Variants in TOX3 observed in about 807,000 individuals in gnomAD.
The protein encoded by TOX3 is CAG trinucleotide repeat-containing gene F9 protein.
Under a neutral mutation model 64.3 loss-of-function variants are expected in TOX3, and 22 were observed. That is an observed-to-expected ratio of 0.34 (90% CI 0.24 to 0.49). The LOEUF (loss-of-function observed/expected upper bound fraction) is 0.49, where lower values mean the gene tolerates loss of function less well. Ranked by LOEUF, TOX3 falls within the 20% of genes least tolerant of loss-of-function variation. The pLI is 0.99. For synonymous variants in TOX3, 291 were observed against 273.6 expected, an observed-to-expected ratio of 1.06 and a Z score of -0.63; for missense variants, 661 against 714.4, an observed-to-expected ratio of 0.93 and a Z score of 0.85.
chr16:52,487,652 C>T (rs970411616), intron 1 of TOX3, among the ~76,000 whole-genome samples: 18 of 152,010 alleles, frequency 1.2e-4, no homozygotes, highest in African/African-American at 3.9e-4. Context: ...ATGTATAAGC[C>T]CCAAACTACT....
intron 2 of TOX3, 101 bp downstream of exon 2, chr16:52,468,407 TA>T: frequency 9.3e-7 from 1 of 1,075,226 alleles, no homozygotes; most frequent in Non-Finnish European, 1.4e-6. Flanking sequence ...TTGTGCCACA[TA>T]AGAGAGAGAT....
At chr16:52,519,770 C>T (rs1478822811) in intron 1 of TOX3, among the ~76,000 whole-genome samples, 1 of 151,326 alleles carries the variant, frequency 6.6e-6, no homozygotes, top group Non-Finnish European at 1.5e-5. Context: ...CCAACTTGGG[C>T]AATGTATTGA....
chr16:52,539,321 T>C (rs768118235), intron 1 of TOX3, among the ~76,000 whole-genome samples: 11 of 152,212 alleles, frequency 7.2e-5, no homozygotes, highest in Non-Finnish European at 1.2e-4. Context: ...TCATTGTTTT[T>C]AATGGTGCAG....
chr16:52,448,255 G>A (rs1170148906), intron 4 of TOX3, among the ~76,000 whole-genome samples: 1 of 152,210 alleles, frequency 6.6e-6, no homozygotes, highest in Non-Finnish European at 1.5e-5. Flanking sequence ...AAGATTCAAT[G>A]AAGATACATT....
Position 52,464,403 on chromosome 16 carries a change from T to TA in TOX3, c.154-216dup, listed in dbSNP as rs201824310. ...TTTAAGTCTCATTATCATATGGTTT[T>TA]AATGGAGTATCAGTATTAACAGTTT... On this transcript the variant is annotated intron_variant, in intron 2 of 6. Coordinates refer to ENST00000219746, the MANE Select transcript of TOX3 (RefSeq NM_001080430.4). Among the ~76,000 whole-genome samples the TA allele has an allele frequency of 8.1e-3, 1,230 of 152,338 alleles. 19 individuals are homozygous for TA. The highest frequency in any genetic ancestry group is 0.028 in the African/African-American group (1,168 of 41,576).
chr16:52,531,051 A>G (rs1005504756), intron 1 of TOX3, among the ~76,000 whole-genome samples: 1 of 152,226 alleles, frequency 6.6e-6, no homozygotes, highest in African/African-American at 2.4e-5. Flanking sequence ...AAGATGTAAA[A>G]AGAGGAACAT....
chr16:52,483,169 G>A (rs752830369), intron 1 of TOX3, among the ~76,000 whole-genome samples: 2 of 152,050 alleles, frequency 1.3e-5, no homozygotes, highest in Non-Finnish European at 2.9e-5. Context: ...CAACAACGAC[G>A]CACATCACCC....
intron 1 of TOX3, among the ~76,000 whole-genome samples, chr16:52,473,192 C>T (rs545396994): frequency 6.6e-6 from 1 of 152,168 alleles, no homozygotes; most frequent in South Asian, 2.1e-4. Context: ...TGGAACAGCC[C>T]AGACAAAAAC....
intron 1 of TOX3, among the ~76,000 whole-genome samples, chr16:52,505,646 C>T (rs985189608): frequency 3.3e-5 from 5 of 152,136 alleles, no homozygotes; most frequent in African/African-American, 9.7e-5. Context: ...AAATCACATT[C>T]AACTAATTAA....
intron 1 of TOX3, among the ~76,000 whole-genome samples, chr16:52,477,341 C>T (rs961575562): frequency 1.3e-5 from 2 of 152,010 alleles, no homozygotes; most frequent in African/African-American, 4.8e-5. Context: ...AGAGTGTCCA[C>T]AAAGGATTTT....
At position 52,450,467 on chromosome 16, in the gene TOX3, G is replaced by A. The variant is rs1349809510; in HGVS notation, c.488C>T (p.Ala163Val). 1.2e-6 allele frequency: 2 copies of A among 1,614,046 alleles called. No individual in the cohort carries two copies. Among genetic ancestry groups the A allele is most frequent in the Admixed American group, 1.7e-5 (1 of 60,024 alleles). The change falls in exon 4 of 7, where the codon GCT becomes GTT. Residue 163 changes from alanine to valine, a missense_variant. Ala to Val is a moderately conservative substitution (Grantham distance 64). Coordinates refer to ENST00000219746, the MANE Select transcript of TOX3 (RefSeq NM_001080430.4). ...IMRSIVHMTDAARSGVMPPAQ... is the reference protein window; with the variant it reads ...IMRSIVHMTDVARSGVMPPAQ... ...AGGAGGCATGACCCCAGAACGCGCAGCATCGGTCATGTGGACGATGGACCG... is the reference window on the plus strand; with the variant it reads ...AGGAGGCATGACCCCAGAACGCGCAACATCGGTCATGTGGACGATGGACCG...
chr16:52,495,882 G>A (rs151275253), intron 1 of TOX3, among the ~76,000 whole-genome samples: 42 of 152,082 alleles, frequency 2.8e-4, no homozygotes, highest in Admixed American at 1.4e-3. Flanking sequence ...ATTTTCTTCC[G>A]TTTATTCTCA....
intron 1 of TOX3, among the ~76,000 whole-genome samples, chr16:52,492,265 AT>A (rs1319437891): frequency 6.1e-5 from 9 of 147,020 alleles, no homozygotes; most frequent in African/African-American, 2.2e-4. Context: ...CAATATAAAT[AT>A]ATAATGGTTG....
chr16:52,507,806 A>G (rs1962198816), intron 1 of TOX3, among the ~76,000 whole-genome samples: 1 of 152,244 alleles, frequency 6.6e-6, no homozygotes, highest in Non-Finnish European at 1.5e-5. Context: ...ACATTTTACT[A>G]AGCCTAATAC....
At position 52,439,347 on chromosome 16, in the gene TOX3, C is replaced by G; in HGVS notation, c.1609G>C (p.Ala537Pro). Residue 537 changes from alanine to proline, a missense_variant, in exon 7 of 7, where the codon GCC (alanine) becomes CCC (proline). By Grantham distance (27) the Ala-to-Pro change is conservative. This residue lies in a region of TOX3 where 299 missense variants were observed against 292.1 expected (regional missense o/e 1.02). Transcript: ENST00000219746. Reference protein sequence around the residue: ...QPSPRQHSPVASQITSPIPAI... With the variant: ...QPSPRQHSPVPSQITSPIPAI... ...GGGATGGGGGATGTTATCTGAGAGG[C>G]GACAGGGGAGTGCTGCCGAGGAGAA... is the stretch of plus-strand genomic sequence containing the variant. The G allele has an allele frequency of 1.9e-6, 3 of 1,612,014 alleles. No individual in the cohort carries two copies. The South Asian group carries it at 3.3e-5, about 18-fold the overall frequency.
chr16:52,445,223 T>C (rs1356883629), intron 5 of TOX3: 1 of 152,236 alleles, frequency 6.6e-6, no homozygotes, highest in Non-Finnish European at 1.5e-5. Flanking sequence ...GTTCATGATT[T>C]GTAAACAAAA....
At chr16:52,453,070 C>A (rs1467395866) in intron 3 of TOX3, among the ~76,000 whole-genome samples, 1 of 152,196 alleles carries the variant, frequency 6.6e-6, no homozygotes, top group Non-Finnish European at 1.5e-5. Context: ...ATTCAGTCTT[C>A]CATGTTCTCT....
intron 1 of TOX3, among the ~76,000 whole-genome samples, chr16:52,482,999 A>G (rs1961408511): frequency 6.6e-6 from 1 of 152,168 alleles, no homozygotes; most frequent in Admixed American, 6.5e-5. Context: ...ATTAATATTG[A>G]AAATAAACCC....
chr16:52,541,470 C>G (rs1173636498), intron 1 of TOX3, among the ~76,000 whole-genome samples: 1 of 152,136 alleles, frequency 6.6e-6, no homozygotes, highest in Non-Finnish European at 1.5e-5. Flanking sequence ...ATCTGAAGGA[C>G]ACCGAGCAGA....
Sources: gnomAD v4.1 joint callset for allele counts (sites outside exome capture counted in the v4.1 genomes callset) on GRCh38, gnomAD v4.1.1 for gene constraint, gnomAD v4.1.1 regional missense constraint, MANE v1.5 for transcripts, NCBI Gene and HGNC (gene_info 2026-07-23, HGNC 2026-07-21) for gene names.